TXNL1: variants seen among roughly 807,000 people sequenced by gnomAD.
TXNL1 encodes thioredoxin like 1.
Under a neutral mutation model 35.5 loss-of-function variants are expected in TXNL1, and 14 were observed. The ratio of observed to expected loss-of-function variants is 0.39; its 90% CI spans 0.26 to 0.62. The LOEUF is 0.62. TXNL1 is among the 20% of genes least tolerant of loss of function. TXNL1 has a pLI of 0.47. For missense variants in TXNL1, 263 were observed against 349.7 expected (o/e 0.75, Z 1.98); for synonymous variants, 110 against 115.5 (o/e 0.95, Z 0.31).
In TXNL1 at chr18:56,602,657, ATG is replaced by A. The variant is rs1374611702; in HGVS notation, c.*368_*369del. The A allele has an allele frequency of 4.5e-6, 1 of 220,094 alleles. No homozygotes were observed. The highest frequency in any genetic ancestry group is 5.8e-5 in the Admixed American group (1 of 17,244). 13.6% of individuals were successfully genotyped at this position (220,094 alleles called of 1,614,324 possible). On this transcript the variant is annotated 3_prime_UTR_variant, in exon 8 of 8. Transcript: ENST00000217515. Reference sequence around the variant, plus strand: ...CACTTATCAAAATAACTTGCCATGAATGTGTACACATGTACTTCTTAATTCCC... The same window carrying A: ...CACTTATCAAAATAACTTGCCATGAATGTACACATGTACTTCTTAATTCCC...
intron 1 of TXNL1, among the ~76,000 whole-genome samples, chr18:56,637,229 T>C (rs1568111899): frequency 6.6e-6 from 1 of 152,216 alleles, no homozygotes; most frequent in Non-Finnish European, 1.5e-5. Context: ...ACTCAACATT[T>C]AGTGAACCAT....
At chr18:56,621,201 T>C (rs2024177234) in intron 3 of TXNL1, among the ~76,000 whole-genome samples, 2 of 110,820 alleles carry the variant, frequency 1.8e-5, no homozygotes, top group African/African-American at 6.4e-5. Flanking sequence ...AACATATATA[T>C]GTATTTTTTT....
chr18:56,605,704 T>C (rs969465776), intron 7 of TXNL1, among the ~76,000 whole-genome samples: 1 of 152,204 alleles, frequency 6.6e-6, no homozygotes, highest in Non-Finnish European at 1.5e-5. Flanking sequence ...GTATAGATTA[T>C]AATCTGTGCG....
chr18:56,601,305 A>G lies in TXNL1; in HGVS notation c.*1722T>C, dbSNP rs7244260. On this transcript the variant is annotated 3_prime_UTR_variant, in exon 8 of 8. Transcript: ENST00000217515. ...CTTGCATACTGCAACTAATTGTTATAGAAGAGTCACATAGACAATATAAAT... is the reference window on the plus strand; with the variant it reads ...CTTGCATACTGCAACTAATTGTTATGGAAGAGTCACATAGACAATATAAAT... 2 of 152,186 alleles carry G rather than the reference A, an allele frequency of 1.3e-5. No individual in the cohort carries two copies. Among genetic ancestry groups the G allele is most frequent in the Non-Finnish European group, 2.9e-5 (2 of 68,024 alleles). 9.4% of individuals were successfully genotyped at this position (152,186 alleles called of 1,614,324 possible).
intron 2 of TXNL1, chr18:56,626,144 AAGG>A: frequency 8.2e-7 from 1 of 1,217,298 alleles, no homozygotes; most frequent in Non-Finnish European, 1.0e-6. Context: ...TTTATATCAG[AAGG>A]TGATTAATAC....
chr18:56,626,794 G>A (rs958641092), intron 1 of TXNL1, among the ~76,000 whole-genome samples: 6 of 42,242 alleles, frequency 1.4e-4, no homozygotes, highest in African/African-American at 2.7e-4. Context: ...CCACCAAGCC[G>A]GTCTTTTTTT....
At chr18:56,629,465 T>A (rs1252715871) in intron 1 of TXNL1, among the ~76,000 whole-genome samples, 1 of 152,108 alleles carries the variant, frequency 6.6e-6, no homozygotes, top group East Asian at 1.9e-4. Flanking sequence ...GAAGCGGAGG[T>A]TGCGGTGAGC....
At position 56,602,014 on chromosome 18, in the gene TXNL1, C is replaced by G. The variant is rs1598908618; in HGVS notation, c.*1013G>C. ...AAATACTTGATTAAGGGTAATAATT[C>G]CCTTTTTTTTTTGGAGACGGAGTTT... is the stretch of plus-strand genomic sequence containing the variant. On this transcript the variant is annotated 3_prime_UTR_variant, in exon 8 of 8. Coordinates refer to ENST00000217515, the MANE Select transcript of TXNL1 (RefSeq NM_004786.3). 1 of 151,928 alleles carries G rather than the reference C, an allele frequency of 6.6e-6. No homozygotes were observed. The highest frequency in any genetic ancestry group is 2.4e-5 in the African/African-American group (1 of 41,322). 9.4% of individuals were successfully genotyped at this position (151,928 alleles called of 1,614,324 possible).
In TXNL1 at chr18:56,638,340, C is replaced by T. The variant is rs747752973; in HGVS notation, c.98+3G>A. 24 of 1,611,336 alleles carry T rather than the reference C, an allele frequency of 1.5e-5. No homozygotes were observed. Among genetic ancestry groups the T allele is most frequent in the Non-Finnish European group, 2.0e-5 (23 of 1,178,446 alleles). On this transcript the variant is annotated splice_donor_region_variant and intron_variant, in intron 1 of 7. Coordinates refer to ENST00000217515, the MANE Select transcript of TXNL1 (RefSeq NM_004786.3). ...GACCCACAGAGCTCGAGCCTGGCCTCACCCTCTCATGGTGAACTTGACCAC... is the reference window on the plus strand; with the variant it reads ...GACCCACAGAGCTCGAGCCTGGCCTTACCCTCTCATGGTGAACTTGACCAC...
At chr18:56,619,977 T>C (rs1282836367) in intron 3 of TXNL1, among the ~76,000 whole-genome samples, 1 of 152,140 alleles carries the variant, frequency 6.6e-6, no homozygotes, top group African/African-American at 2.4e-5. Flanking sequence ...TTATTATTAT[T>C]ATTATTTTTT....
intron 1 of TXNL1, among the ~76,000 whole-genome samples, chr18:56,634,214 G>A (rs1168111351): frequency 6.6e-6 from 1 of 152,042 alleles, no homozygotes; most frequent in Non-Finnish European, 1.5e-5. Flanking sequence ...TGCAGGCAGA[G>A]GTGTAAATTA....
At chr18:56,629,279 G>A (rs1453114662) in intron 1 of TXNL1, among the ~76,000 whole-genome samples, 7 of 152,226 alleles carry the variant, frequency 4.6e-5, no homozygotes, top group African/African-American at 1.7e-4. Context: ...TATAATCCCA[G>A]CACTTTGGGA....
chr18:56,621,204 ATTTTT>A (rs34382500), intron 3 of TXNL1, among the ~76,000 whole-genome samples: 2 of 126,166 alleles, frequency 1.6e-5, no homozygotes, highest in Non-Finnish European at 3.4e-5. Flanking sequence ...ATATATATGT[ATTTTT>A]TTTTTTTTTT....
At chr18:56,634,007 A>AT (rs1312655358) in intron 1 of TXNL1, among the ~76,000 whole-genome samples, 3 of 151,264 alleles carry the variant, frequency 2.0e-5, no homozygotes, top group African/African-American at 7.3e-5. Context: ...AAAAAAAAAA[A>AT]AATCATTCAC....
intron 7 of TXNL1, among the ~76,000 whole-genome samples, chr18:56,607,119 A>G (rs184994198): frequency 1.1e-4 from 17 of 151,942 alleles, no homozygotes; most frequent in Admixed American, 5.2e-4. Context: ...CCTCCCAGGT[A>G]GCTAGAACTA....
In TXNL1 at chr18:56,599,818, CA is replaced by C. The variant is rs2023788807; in HGVS notation, c.*3208del. 1 of 151,970 alleles carries C rather than the reference CA, an allele frequency of 6.6e-6. No homozygotes were observed. Among genetic ancestry groups the C allele is most frequent in the African/African-American group, 2.4e-5 (1 of 41,336 alleles). The allele number at this position is 151,970 out of a possible 1,614,324, so 9.4% of individuals were successfully genotyped here. A position where few individuals can be genotyped will look rare whatever the true frequency, so the allele number is the denominator to read the frequency against. ...AAGTGATCCAGCCGCCTCGGCCTCC[CA>C]AAATGCTGGGATTACAGGCATGAGC... On this transcript the variant is annotated 3_prime_UTR_variant, in exon 8 of 8. Coordinates refer to ENST00000217515, the MANE Select transcript of TXNL1 (RefSeq NM_004786.3).
chr18:56,634,586 G>A (rs1276210762), intron 1 of TXNL1, among the ~76,000 whole-genome samples: 3 of 152,094 alleles, frequency 2.0e-5, no homozygotes, highest in Non-Finnish European at 2.9e-5. Flanking sequence ...TTCGATAAAC[G>A]GTGTTGGAAA....
rs919888204 is a variant in TXNL1 at position 56,599,110 on chromosome 18, C to T, written c.*3917G>A. ...ATCCTTAAGATTTTAATATTCCAAG[C>T]TGTGTACAATTTTAGTACATTCAAA... On this transcript the variant is annotated 3_prime_UTR_variant, in exon 8 of 8. Coordinates refer to ENST00000217515, the MANE Select transcript of TXNL1 (RefSeq NM_004786.3). 2 of 152,164 alleles carry T rather than the reference C, an allele frequency of 1.3e-5. No individual in the cohort carries two copies. Among genetic ancestry groups the T allele is most frequent in the Non-Finnish European group, 2.9e-5 (2 of 68,018 alleles). The allele number at this position is 152,164 out of a possible 1,614,324, so 9.4% of individuals were successfully genotyped here. A position where few individuals can be genotyped will look rare whatever the true frequency, so the allele number is the denominator to read the frequency against.
intron 1 of TXNL1, among the ~76,000 whole-genome samples, chr18:56,636,971 A>G (rs1598927585): frequency 6.6e-6 from 1 of 152,194 alleles, no homozygotes; most frequent in East Asian, 1.9e-4. Flanking sequence ...ATGAGAAGAC[A>G]CATTTATAGA....
Sources: gnomAD v4.1 joint callset for allele counts (sites outside exome capture counted in the v4.1 genomes callset) on GRCh38, gnomAD v4.1.1 for gene constraint, MANE v1.5 for transcripts, NCBI Gene and HGNC (gene_info 2026-07-23, HGNC 2026-07-21) for gene names.